MROH9: variants seen among roughly 807,000 people sequenced by gnomAD.
MROH9 encodes maestro heat-like repeat-containing protein family member 9.
A neutral mutation model predicts 98.2 loss-of-function variants in MROH9; 92 were observed. The ratio of observed to expected loss-of-function variants is 0.94; its 90% confidence interval spans 0.79 to 1.11. The LOEUF (loss-of-function observed/expected upper bound fraction) is 1.11, where lower values mean the gene tolerates loss of function less well. Ranked by LOEUF, MROH9 falls within the 50% of genes most tolerant of loss-of-function variation. MROH9 has a pLI of 0.00. For missense variants in MROH9, 1,057 were observed against 1,014.8 expected, an observed-to-expected ratio of 1.04 and a Z score of -0.57; for synonymous variants, 397 against 368.9, an observed-to-expected ratio of 1.08 and a Z score of -0.87.
intron 20 of MROH9, among the ~76,000 whole-genome samples, chr1:171,035,424 G>A (rs954776945): frequency 2.0e-5 from 3 of 151,622 alleles, no homozygotes; most frequent in African/African-American, 4.8e-5. Flanking sequence ...AAGTAGCAAC[G>A]TTTTTTAAAA....
chr1:170,982,478 G>C (rs1011369365), intron 8 of MROH9, among the ~76,000 whole-genome samples: 2 of 152,086 alleles, frequency 1.3e-5, no homozygotes, highest in African/African-American at 4.8e-5. Flanking sequence ...AGGTGTGAGG[G>C]GTTACAAAAG....
intron 1 of MROH9, among the ~76,000 whole-genome samples, chr1:170,936,652 A>ATT (rs1648897108): frequency 1.3e-5 from 2 of 152,224 alleles, no homozygotes. Flanking sequence ...ACCCATATAC[A>ATT]TATCCTTAAG....
intron 17 of MROH9, among the ~76,000 whole-genome samples, chr1:171,022,245 G>C (rs1018742934): frequency 6.6e-6 from 1 of 152,054 alleles, no homozygotes; most frequent in Non-Finnish European, 1.5e-5. Context: ...TCCCATTACT[G>C]AGTATATACC....
At chr1:170,960,763 C>T (rs1043270281) in intron 5 of MROH9, among the ~76,000 whole-genome samples, 1 of 152,170 alleles carries the variant, frequency 6.6e-6, no homozygotes, top group African/African-American at 2.4e-5. Flanking sequence ...GCTAGGACTA[C>T]AGACATGCAC....
chr1:171,039,321 G>A (rs78342059), intron 20 of MROH9, among the ~76,000 whole-genome samples: 13,626 of 152,164 alleles, frequency 0.09, 758 homozygotes, highest in Middle Eastern at 0.22. Context: ...AAATATAACT[G>A]TGGTTTAAAC....
intron 20 of MROH9, among the ~76,000 whole-genome samples, chr1:171,050,078 A>G (rs768169601): frequency 2.6e-5 from 4 of 152,166 alleles, no homozygotes; most frequent in South Asian, 2.1e-4. Context: ...CTCTCATCCT[A>G]TGGATTGTCT....
intron 8 of MROH9, among the ~76,000 whole-genome samples, chr1:170,981,642 G>A (rs534955708): frequency 2.6e-5 from 4 of 151,762 alleles, no homozygotes; most frequent in African/African-American, 4.8e-5. Flanking sequence ...CTTAAAGGAC[G>A]GGTCAATAGG....
intron 15 of MROH9, among the ~76,000 whole-genome samples, chr1:171,013,402 G>GGTTGTA (rs1390464070): frequency 2.6e-5 from 4 of 152,122 alleles, no homozygotes; most frequent in Non-Finnish European, 5.9e-5. Context: ...AAGGGATCTA[G>GGTTGTA]GTTGTAGGCT....
rs532764931 is a variant in MROH9 at position 171,049,687 on chromosome 1, C to CT, written c.2282-12433dup. ...CTTTTTAATGAGTTTTTTCTTTTTTCTTTTTTTTTTTTATTTGAGACATGG... is the reference window on the plus strand; with the variant it reads ...CTTTTTAATGAGTTTTTTCTTTTTTCTTTTTTTTTTTTTATTTGAGACATGG... On this transcript the variant is annotated intron_variant, in intron 20 of 21. Transcript: ENST00000367759. Among the ~76,000 whole-genome samples, 866 of 144,598 alleles carry CT rather than the reference C, an allele frequency of 6.0e-3. 5 individuals carry two copies. Among genetic ancestry groups the CT allele is most frequent in the African/African-American group, 0.019 (747 of 39,748 alleles). The allele number at this position is 144,598 out of a possible 152,430, so 94.9% of individuals were successfully genotyped here. A position where few individuals can be genotyped will look rare whatever the true frequency, so the allele number is the denominator to read the frequency against.
In MROH9 at chr1:171,007,615, C is replaced by T. The variant is rs555780974; in HGVS notation, c.1597-6502C>T. ...CTGGAGTCAAGGTACAGGACCTTTC[C>T]GGGATCTGCTGTGGGACCAAAGTTA... is the stretch of plus-strand genomic sequence containing the variant. On this transcript the variant is annotated intron_variant, in intron 15 of 21. Coordinates refer to ENST00000367759, the MANE Select transcript of MROH9 (RefSeq NM_001163629.2). 6.6e-5 allele frequency among the ~76,000 whole-genome samples: 10 copies of T among 152,282 alleles called. No homozygotes were observed. The South Asian group carries it at 1.0e-3, about 16-fold the overall frequency.
intron 20 of MROH9, among the ~76,000 whole-genome samples, chr1:171,051,211 C>T (rs1397086292): frequency 6.6e-6 from 1 of 152,066 alleles, no homozygotes; most frequent in African/African-American, 2.4e-5. Context: ...CCAGAAATAC[C>T]GTTTGACCCA....
intron 9 of MROH9, among the ~76,000 whole-genome samples, chr1:170,985,001 G>A (rs1186963226): frequency 2.0e-5 from 3 of 152,088 alleles, no homozygotes; most frequent in Non-Finnish European, 4.4e-5. Flanking sequence ...CCATTAAATG[G>A]GAGGGCTGGA....
intron 7 of MROH9, among the ~76,000 whole-genome samples, chr1:170,966,510 T>C (rs1650242311): frequency 6.6e-6 from 1 of 152,130 alleles, no homozygotes; most frequent in Admixed American, 6.6e-5. Flanking sequence ...GCATTCATGA[T>C]GTTATCTTTA....
chr1:171,059,956 T>G (rs939810014), intron 20 of MROH9, among the ~76,000 whole-genome samples: 4 of 151,564 alleles, frequency 2.6e-5, no homozygotes, highest in African/African-American at 9.7e-5. Context: ...AAATGAAAGG[T>G]TATATATGCA....
At chr1:170,957,847 C>T (rs1649832394) in intron 3 of MROH9, among the ~76,000 whole-genome samples, 1 of 146,226 alleles carries the variant, frequency 6.8e-6, no homozygotes. Flanking sequence ...CTCTCTCTGT[C>T]ACCCAGGCTG....
chr1:170,935,913 A>G (rs1333061087), intron 1 of MROH9, among the ~76,000 whole-genome samples: 3 of 144,126 alleles, frequency 2.1e-5, no homozygotes, highest in African/African-American at 7.7e-5. Flanking sequence ...AATCACTTGA[A>G]CTCGGGAGGT....
At chr1:170,992,681 G>A (rs28432360) in intron 12 of MROH9, among the ~76,000 whole-genome samples, 21,187 of 152,112 alleles carry the variant, frequency 0.14, 1,648 homozygotes, top group African/African-American at 0.21. Context: ...ACCTGAATCA[G>A]GTGAGGATTT....
At chr1:171,021,671 A>G (rs1652523160) in intron 17 of MROH9, among the ~76,000 whole-genome samples, 1 of 152,190 alleles carries the variant, frequency 6.6e-6, no homozygotes, top group Non-Finnish European at 1.5e-5. Flanking sequence ...CCTAGGCAAT[A>G]GCGTTCAGGA....
chr1:171,007,328 C>T (rs1231824373), intron 15 of MROH9, among the ~76,000 whole-genome samples: 1 of 152,174 alleles, frequency 6.6e-6, no homozygotes, highest in Non-Finnish European at 1.5e-5. Flanking sequence ...GAATGAGGGT[C>T]CACTACAGAA....
Sources: gnomAD v4.1 joint callset for allele counts (sites outside exome capture counted in the v4.1 genomes callset) on GRCh38, gnomAD v4.1.1 for gene constraint, MANE v1.5 for transcripts, NCBI Gene and HGNC (gene_info 2026-07-23, HGNC 2026-07-21) for gene names.